LRP4: variants seen among roughly 807,000 people sequenced by gnomAD.
LRP4 encodes the protein LDL receptor related protein 4, also known as low-density lipoprotein receptor-related protein 4.
Under a neutral mutation model 220.3 loss-of-function variants are expected in LRP4, and 95 were observed. The ratio of observed to expected loss-of-function variants is 0.43; its 90% confidence interval spans 0.37 to 0.51. LRP4 has a LOEUF of 0.51. LRP4 is among the 20% of genes least tolerant of loss of function. The pLI is 0.00. For missense variants in LRP4, 1,925 were observed against 2,567.0 expected, an observed-to-expected ratio of 0.75 and a Z score of 5.40; for synonymous variants, 903 against 954.6, an observed-to-expected ratio of 0.95 and a Z score of 1.00.
intron 12 of LRP4, among the ~76,000 whole-genome samples, 176 bp downstream of exon 12, chr11:46,894,413 C>T (rs1941481577): frequency 6.6e-6 from 1 of 152,192 alleles, no homozygotes; most frequent in Non-Finnish European, 1.5e-5. Context: ...TATATTTGAA[C>T]CTATAAAATT....
intron 36 of LRP4, 87 bp downstream of exon 36, chr11:46,864,361 T>C: frequency 1.9e-6 from 2 of 1,043,390 alleles, no homozygotes; most frequent in Middle Eastern, 2.0e-4. Context: ...CAGAGCTTGA[T>C]TCAGTGAACT....
chr11:46,916,625 C>G (rs528687965), intron 1 of LRP4, among the ~76,000 whole-genome samples: 44 of 152,018 alleles, frequency 2.9e-4, no homozygotes, highest in Middle Eastern at 3.4e-3. Context: ...CAGCCCGGAA[C>G]CTTCCAGCTC....
rs777601794 is a variant in LRP4 at position 46,881,697 on chromosome 11, C to T, written c.2814+5G>A. The T allele has an allele frequency of 6.2e-7, 1 of 1,614,034 alleles. No individual in the cohort carries two copies. Among genetic ancestry groups the T allele is most frequent in the South Asian group, 1.1e-5 (1 of 91,064 alleles). Reference sequence around the variant, plus strand: ...CCCTTACCTTCCTCTTACTGCCACCCTTACCTTCCTCTTACTGCCATCCAG... The same window carrying T: ...CCCTTACCTTCCTCTTACTGCCACCTTTACCTTCCTCTTACTGCCATCCAG... On this transcript the variant is annotated splice_donor_5th_base_variant and intron_variant, in intron 20 of 37. Transcript: ENST00000378623.
chr11:46,876,488 T>C lies in LRP4; in HGVS notation c.3514A>G (p.Ile1172Val). ...CACCCCATCTCATGGTACAGTACGA[T>C]GGCCCGGGGACTGTCAAGGTTCTGC... ...VWQNLDSPRAIVLYHEMGFMY... is the reference protein window; with the variant it reads ...VWQNLDSPRAVVLYHEMGFMY... Residue 1172 changes from isoleucine (I) to valine (V), a missense_variant, in exon 25 of 38, where the codon ATC becomes GTC. By Grantham distance (29) the Ile-to-Val change is conservative (BLOSUM62 3). Coordinates refer to ENST00000378623, the MANE Select transcript of LRP4 (RefSeq NM_002334.4). The C allele has an allele frequency of 1.2e-6, 2 of 1,614,220 alleles. No individual in the cohort carries two copies. Among genetic ancestry groups the C allele is most frequent in the Admixed American group, 1.7e-5 (1 of 60,024 alleles).
At chr11:46,867,570 T>G (rs1349288226) in intron 34 of LRP4, among the ~76,000 whole-genome samples, 2 of 152,234 alleles carry the variant, frequency 1.3e-5, no homozygotes, top group African/African-American at 4.8e-5. Context: ...CAAGTGATTC[T>G]CCTGTCTCAG....
rs570752523 is a variant in LRP4, at chr11:46,902,466, C to T, written c.199+317G>A. ...ATAAATTTTAAAACGCACAAATATG[C>T]GGTACATATACACAAACATATTCAC... is the stretch of plus-strand genomic sequence containing the variant. On this transcript the variant is annotated intron_variant, in intron 2 of 37. Coordinates refer to ENST00000378623, the MANE Select transcript of LRP4 (RefSeq NM_002334.4). Among the ~76,000 whole-genome samples, 6 of 151,882 alleles carry T rather than the reference C, an allele frequency of 4.0e-5. 1 individual carries two copies. The highest frequency in any genetic ancestry group is 2.0e-4 in the Admixed American group (3 of 15,248).
intron 1 of LRP4, among the ~76,000 whole-genome samples, chr11:46,914,717 C>T (rs1205261029): frequency 6.6e-6 from 1 of 152,236 alleles, no homozygotes; most frequent in East Asian, 1.9e-4. Flanking sequence ...ATGGCTGGAA[C>T]AGGCTAACAG....
rs758635404 is a variant in LRP4 at position 46,873,139 on chromosome 11, C to G, written c.4544G>C (p.Gly1515Ala). Residue 1515 changes from glycine (G) to alanine (A), a missense_variant, in exon 30 of 38, where the codon GGT (glycine) becomes GCT (alanine). By Grantham distance (60) the Gly-to-Ala change is moderately conservative (BLOSUM62 0). Around this residue, in one of 3 missense-constraint regions of LRP4, gnomAD observed 1,244 missense variants for 1,624.9 expected, o/e 0.77. Transcript: ENST00000378623. This position sits in a 1 kb window ranked among gnomAD's most constrained non-coding sequence, Gnocchi z 4.2. ...ERKVLINTDL[G>A]WPNGLTLDYD... is the part of the protein sequence containing the mutation. ...GTCCAGGGTAAGGCCATTGGGCCAA[C>G]CCAGGTCTGTGTTGATGAGGACCTT... The G allele has an allele frequency of 3.7e-6, 6 of 1,614,198 alleles. No homozygotes were observed. In the Admixed American group the frequency reaches 5.0e-5, roughly 13 times the overall value.
chr11:46,864,655 A>AT, intron 35 of LRP4, 120 bp from the exon 36 acceptor site: 1 of 738,472 alleles, frequency 1.4e-6, no homozygotes, highest in Non-Finnish European at 2.4e-6. Context: ...CCATCTGAGG[A>AT]TGGCTAAGGG....
At position 46,888,014 on chromosome 11, in the gene LRP4, C is replaced by CAAAAAAAAAA. The variant is rs59369000; in HGVS notation, c.2215+1387_2215+1396dup. On this transcript the variant is annotated intron_variant, in intron 16 of 37. Transcript: ENST00000378623. ...TAGGTGACAGAGCAAGACCCTGTCT[C>CAAAAAAAAAA]AAAAAAAAAAAAAAAAAAAAAAAAA... Among the ~76,000 whole-genome samples, 10 of 45,912 alleles carry CAAAAAAAAAA rather than the reference C, an allele frequency of 2.2e-4. 3 individuals carry two copies. Among genetic ancestry groups the CAAAAAAAAAA allele is most frequent in the African/African-American group, 1.0e-3 (7 of 6,966 alleles). 30.1% of individuals were successfully genotyped at this position (45,912 alleles called of 152,430 possible).
chr11:46,868,474 C>A, intron 33 of LRP4, 126 bp downstream of exon 33: 1 of 779,632 alleles, frequency 1.3e-6, no homozygotes, highest in South Asian at 1.4e-5. Flanking sequence ...CCAATCACTC[C>A]ACTAATAAGA....
intron 1 of LRP4, among the ~76,000 whole-genome samples, chr11:46,907,933 T>C (rs576155151): frequency 6.6e-6 from 1 of 152,140 alleles, no homozygotes; most frequent in East Asian, 1.9e-4. Flanking sequence ...CATAATAATA[T>C]AACCATCTTT....
chr11:46,877,142 A>G lies in LRP4; in HGVS notation c.3277+57T>C. ...ACAAAGGTGGTGGGAGAGGAAAGAC[A>G]GTAATTGTTGAAGGGCAGGGACAGA... On this transcript the variant is annotated intron_variant, in intron 23 of 37. Transcript: ENST00000378623. 1.9e-6 allele frequency: 3 copies of G among 1,593,832 alleles called. No individual in the cohort carries two copies. The South Asian group carries it at 3.3e-5, about 18-fold the overall frequency.
At chr11:46,889,361 C>G (rs192460546) in intron 16 of LRP4, 50 bp downstream of exon 16, 2 of 1,610,900 alleles carry the variant, frequency 1.2e-6, no homozygotes, top group Non-Finnish European at 1.7e-6. Flanking sequence ...GTTCCTTCTC[C>G]CCATCCTCAC....
rs777994705 is a variant in LRP4 at position 46,875,783 on chromosome 11, C to G, written c.3699+21G>C. On this transcript the variant is annotated intron_variant, in intron 26 of 37. Coordinates refer to ENST00000378623, the MANE Select transcript of LRP4 (RefSeq NM_002334.4). The surrounding 1 kb of genome is among the most constrained non-coding windows in gnomAD (Gnocchi z 4.5). ...CCCATCTTCCCAGGCTCCTGGGAAG[C>G]AGCAGGGACACGGCTCTCACCTCGG... 1 of 1,614,052 alleles carries G rather than the reference C, an allele frequency of 6.2e-7. No individual in the cohort carries two copies. Among genetic ancestry groups the G allele is most frequent in the Admixed American group, 1.7e-5 (1 of 60,020 alleles).
intron 12 of LRP4, among the ~76,000 whole-genome samples, chr11:46,894,005 C>A (rs1196200172): frequency 2.0e-5 from 3 of 151,562 alleles, no homozygotes; most frequent in African/African-American, 7.3e-5. Context: ...AATTCTCCTG[C>A]CTCAGCCTCC....
intron 13 of LRP4, among the ~76,000 whole-genome samples, chr11:46,891,602 AATTCAGATT>A (rs1309094094): frequency 6.6e-6 from 1 of 152,108 alleles, no homozygotes; most frequent in Non-Finnish European, 1.5e-5. Context: ...GTTTTTCTTT[AATTCAGATT>A]TCTGAATTTT....
intron 34 of LRP4, among the ~76,000 whole-genome samples, chr11:46,866,523 T>C (rs192825946): frequency 5.1e-4 from 77 of 152,320 alleles, no homozygotes; most frequent in African/African-American, 1.7e-3. Context: ...TGGACTCATG[T>C]GATCTGCCCA....
At chr11:46,902,751 C>T in intron 2 of LRP4, 32 bp downstream of exon 2, 2 of 1,613,278 alleles carry the variant, frequency 1.2e-6, no homozygotes, top group South Asian at 2.2e-5. Flanking sequence ...TCCCTCTCCA[C>T]CACCTCCCAC....
Sources: gnomAD v4.1 joint callset for allele counts (sites outside exome capture counted in the v4.1 genomes callset) on GRCh38, gnomAD v4.1.1 for gene constraint, gnomAD v4.1.1 regional missense constraint, Gnocchi (gnomAD v3.1) non-coding constraint, MANE v1.5 for transcripts, NCBI Gene and HGNC (gene_info 2026-07-23, HGNC 2026-07-21) for gene names.